DEAF1: variants seen among roughly 807,000 people sequenced by gnomAD.
DEAF1 encodes the protein DEAF1 transcription factor, also known as deformed epidermal autoregulatory factor 1 homolog.
In DEAF1, 53 loss-of-function variants were observed where a neutral mutation model predicts 58.9. That is an observed-to-expected ratio of 0.90 (90% CI 0.72 to 1.13). The LOEUF (loss-of-function observed/expected upper bound fraction) is 1.13, where lower values mean the gene tolerates loss of function less well. Among genes scored for constraint, DEAF1 ranks in the 50% most tolerant of loss-of-function variants. The pLI, the probability that DEAF1 is intolerant of heterozygous loss-of-function variation, is 0.00. For synonymous variants in DEAF1, 385 were observed against 340.4 expected (o/e 1.13, Z -1.44); for missense variants, 685 against 791.4 (o/e 0.87, Z 1.61).
intron 9 of DEAF1, among the ~76,000 whole-genome samples, chr11:675,971 C>T (rs1860036752): frequency 1.4e-5 from 1 of 72,020 alleles, no homozygotes; most frequent in Non-Finnish European, 2.7e-5. Context: ...CATCCCCCGG[C>T]ACCCGACATC....
At chr11:652,946 T>A (rs1858846928) in intron 11 of DEAF1, among the ~76,000 whole-genome samples, 2 of 151,110 alleles carry the variant, frequency 1.3e-5, no homozygotes. Flanking sequence ...TAGCCAGGTA[T>A]GGTGGCGCAT....
At chr11:652,208 G>T (rs1858806256) in intron 11 of DEAF1, among the ~76,000 whole-genome samples, 1 of 152,170 alleles carries the variant, frequency 6.6e-6, no homozygotes, top group Admixed American at 6.5e-5. Context: ...AAGAAATCCA[G>T]AAATATTTGA....
At chr11:690,946 C>T (rs998990401) in intron 2 of DEAF1, among the ~76,000 whole-genome samples, 1 of 152,226 alleles carries the variant, frequency 6.6e-6, no homozygotes, top group African/African-American at 2.4e-5. Context: ...GTCCCCAGAT[C>T]GCCGAAGGCC....
At chr11:699,526 C>G (rs1861347738), upstream of DEAF1, 1 of 153,988 alleles carries the variant, frequency 6.5e-6, no homozygotes, top group Non-Finnish European at 1.4e-5. Flanking sequence ...GTGGACAGAT[C>G]ACTTGACACC....
At chr11:682,132 G>T (rs887263352) in intron 6 of DEAF1, among the ~76,000 whole-genome samples, 1 of 152,188 alleles carries the variant, frequency 6.6e-6, no homozygotes, top group Non-Finnish European at 1.5e-5. Flanking sequence ...GGCCCTGGGT[G>T]GGGTGCAATC....
At position 691,651 on chromosome 11, in the gene DEAF1, G is replaced by T. The variant is rs1368835664; in HGVS notation, c.290-53C>A. The T allele has an allele frequency of 3.3e-6, 5 of 1,534,734 alleles. No homozygotes were observed. The Admixed American group carries it at 8.6e-5, about 26-fold the overall frequency. ...AGCAACAAAAGCCAGAATGGACAAA[G>T]CGAACAGCCTCGCTCAGGTGCTTCA... On this transcript the variant is annotated intron_variant, in intron 1 of 11. Transcript: ENST00000382409.
At chr11:653,207 T>C (rs1361240996) in intron 11 of DEAF1, among the ~76,000 whole-genome samples, 1 of 152,140 alleles carries the variant, frequency 6.6e-6, no homozygotes, top group Non-Finnish European at 1.5e-5. Flanking sequence ...CTTGAATTTC[T>C]GTGGAGCGGA....
intron 9 of DEAF1, among the ~76,000 whole-genome samples, chr11:677,321 A>AT (rs1438915791): frequency 6.9e-6 from 1 of 144,446 alleles, no homozygotes; most frequent in Non-Finnish European, 1.5e-5. Flanking sequence ...CAACACGGTG[A>AT]AACCCCATCT....
chr11:647,283 G>A (rs759023735), intron 11 of DEAF1, among the ~76,000 whole-genome samples: 4 of 152,078 alleles, frequency 2.6e-5, no homozygotes, highest in African/African-American at 4.8e-5. Context: ...GTGAAACCCC[G>A]TCTCTGCTAA....
intron 5 of DEAF1, among the ~76,000 whole-genome samples, chr11:685,464 G>T (rs1368435870): frequency 1.3e-5 from 2 of 151,836 alleles, no homozygotes; most frequent in South Asian, 4.2e-4. Context: ...AGAGGCCGAC[G>T]CAGGCAGACC....
In DEAF1 at chr11:649,354, G is replaced by A. The variant is rs527510363; in HGVS notation, c.1593+4608C>T. On this transcript the variant is annotated intron_variant, in intron 11 of 11. Transcript: ENST00000382409. ...GGAGTATTGCTTGAACCCGGGAAGC[G>A]GAGGTTGCACTGAGCTGAGATTGTG... 9.2e-5 allele frequency among the ~76,000 whole-genome samples: 14 copies of A among 151,996 alleles called. No homozygotes were observed. In the South Asian group the frequency reaches 2.7e-3, roughly 29 times the overall value.
At chr11:694,059 G>A (rs1400202792) in intron 1 of DEAF1, among the ~76,000 whole-genome samples, 2 of 152,192 alleles carry the variant, frequency 1.3e-5, no homozygotes, top group Admixed American at 6.5e-5. Context: ...GGTCATGCCT[G>A]AACTGGCCCT....
rs371300797 is a variant in DEAF1 at position 691,531 on chromosome 11, C to A, written c.357G>T (p.Ala119=). 2 of 1,613,508 alleles carry A rather than the reference C, an allele frequency of 1.2e-6. No homozygotes were observed. The highest frequency in any genetic ancestry group is 8.5e-7 in the Non-Finnish European group (1 of 1,180,020). ...AADNVFTTSV[A]NAASISGHVL... ...CATGTCCTGAGATGGATGCCGCGTT[C>A]GCCACAGACGTGGTGAAGACATTGT... The change falls in exon 2 of 12, where the codon GCG becomes GCT. Residue 119 remains alanine, a synonymous_variant. Coordinates refer to ENST00000382409, the MANE Select transcript of DEAF1 (RefSeq NM_021008.4).
Position 694,968 on chromosome 11 carries a change from G to A in DEAF1, c.80C>T (p.Ala27Val), listed in dbSNP as rs1400909690. Residue 27 changes from alanine to valine, a missense_variant, in exon 1 of 12, where the codon GCG becomes GTG. Around this residue, in one of 3 missense-constraint regions of DEAF1, gnomAD observed 210 missense variants for 177.3 expected, o/e 1.18. Coordinates refer to ENST00000382409, the MANE Select transcript of DEAF1 (RefSeq NM_021008.4). ...GCCTCCTGCCGCGGCCGCGGCCGCCGCCGCCACAGCGGCCGCGGCCGCCAC... is the reference window on the plus strand; with the variant it reads ...GCCTCCTGCCGCGGCCGCGGCCGCCACCGCCACAGCGGCCGCGGCCGCCAC... ...AAVAAAAAVA[A>V]AAAAAAGGEA... 16 of 1,065,266 alleles carry A rather than the reference G, an allele frequency of 1.5e-5. 1 individual carries two copies. Among genetic ancestry groups the A allele is most frequent in the African/African-American group, 1.7e-5 (1 of 57,390 alleles). 66.0% of individuals were successfully genotyped at this position (1,065,266 alleles called of 1,614,324 possible).
intron 6 of DEAF1, 113 bp from the exon 7 acceptor site, chr11:681,202 C>G: frequency 6.9e-7 from 1 of 1,450,548 alleles, no homozygotes; most frequent in South Asian, 1.1e-5. Context: ...ATGGTGAGAC[C>G]ACATTAAGAT....
chr11:679,475 C>A lies in DEAF1; in HGVS notation c.1126+213G>T, dbSNP rs1860240584. On this transcript the variant is annotated intron_variant, in intron 8 of 11. Coordinates refer to ENST00000382409, the MANE Select transcript of DEAF1 (RefSeq NM_021008.4). ...TTTTCAGCTTTGCCAGTTCTGGCAT[C>A]TGTCACAAGTAACCCACTGCCACAC... 3.3e-5 allele frequency among the ~76,000 whole-genome samples: 5 copies of A among 152,366 alleles called. No individual in the cohort carries two copies. The South Asian group carries it at 1.0e-3, about 32-fold the overall frequency.
upstream of DEAF1, chr11:699,086 C>T: frequency 3.0e-6 from 2 of 659,690 alleles, no homozygotes; most frequent in Non-Finnish European, 5.3e-6. Context: ...CCCCTACCTG[C>T]TCAGCCCTGC....
At chr11:706,201 G>A (rs1371033675) in intron 1 of DEAF1, 2 of 152,068 alleles carry the variant, frequency 1.3e-5, no homozygotes, top group Non-Finnish European at 2.9e-5. Context: ...CCGCCCGCGG[G>A]AGACCTGGCG....
chr11:668,798 G>C (rs926898994), intron 10 of DEAF1, among the ~76,000 whole-genome samples: 9 of 152,162 alleles, frequency 5.9e-5, no homozygotes, highest in Admixed American at 5.9e-4. Flanking sequence ...CTCCAGCCTG[G>C]GTGACAAAGT....
Sources: gnomAD v4.1 joint callset for allele counts (sites outside exome capture counted in the v4.1 genomes callset) on GRCh38, gnomAD v4.1.1 for gene constraint, gnomAD v4.1.1 regional missense constraint, MANE v1.5 for transcripts, NCBI Gene and HGNC (gene_info 2026-07-23, HGNC 2026-07-21) for gene names.